AGK: variants seen among roughly 807,000 people sequenced by gnomAD.
AGK encodes the protein acylglycerol kinase.
AGK carries 52 observed loss-of-function variants against 66.4 expected under a neutral mutation model. The ratio of observed to expected loss-of-function variants is 0.78; its 90% CI spans 0.63 to 0.99. AGK has a LOEUF of 0.99. Among genes scored for constraint, AGK ranks in the 50% least tolerant of loss-of-function variants. AGK has a pLI of 0.00. For missense variants in AGK, 451 were observed against 506.6 expected (o/e 0.89, Z 1.05); for synonymous variants, 182 against 181.1 (o/e 1.00, Z -0.04).
Position 141,615,584 on chromosome 7 carries a change from G to A in AGK, c.518+19G>A. 2 of 1,593,504 alleles carry A rather than the reference G, an allele frequency of 1.3e-6. No individual in the cohort carries two copies. The highest frequency in any genetic ancestry group is 1.7e-6 in the Non-Finnish European group (2 of 1,161,454). On this transcript the variant is annotated intron_variant, in intron 8 of 15. Transcript: ENST00000649286. ...AAGTCCAGTAGGTTGTCAATGTGGG[G>A]AATTAGCATTTGTGGGTGAGCGAGA... is the stretch of plus-strand genomic sequence containing the variant.
At chr7:141,649,381 A>C in intron 14 of AGK, 48 bp downstream of exon 14, 1 of 1,405,102 alleles carries the variant, frequency 7.1e-7, no homozygotes, top group Non-Finnish European at 1.0e-6. Flanking sequence ...ATTTTCTCAG[A>C]TTTTACTATT....
intron 9 of AGK, among the ~76,000 whole-genome samples, chr7:141,633,178 A>G (rs1287034534): frequency 2.0e-5 from 3 of 152,148 alleles, no homozygotes; most frequent in African/African-American, 7.2e-5. Context: ...GTCAGTTTTC[A>G]GCTCTTAGAC....
intron 2 of AGK, among the ~76,000 whole-genome samples, chr7:141,560,280 T>C (rs535792253): frequency 2.6e-5 from 4 of 151,978 alleles, no homozygotes; most frequent in Non-Finnish European, 5.9e-5. Flanking sequence ...CCGTTTTTTT[T>C]TTTGCCTATA....
intron 2 of AGK, among the ~76,000 whole-genome samples, chr7:141,586,253 T>G (rs558850948): frequency 1.3e-5 from 2 of 152,164 alleles, no homozygotes; most frequent in African/African-American, 4.8e-5. Context: ...TTTGTGCGTT[T>G]GGAATTTTTT....
Position 141,555,393 on chromosome 7 carries a change from C to A in AGK, c.-14-60C>A. 1 of 1,137,572 alleles carries A rather than the reference C, an allele frequency of 8.8e-7. No homozygotes were observed. The highest frequency in any genetic ancestry group is 2.0e-5 in the Admixed American group (1 of 50,200). The allele number at this position is 1,137,572 out of a possible 1,614,324, so 70.5% of individuals were successfully genotyped here. On this transcript the variant is annotated intron_variant, in intron 1 of 15. Transcript: ENST00000649286. The surrounding 1 kb of genome is among the most constrained non-coding windows in gnomAD (Gnocchi z 4.2). ...AGAATGGAAGACAGAGTAATAGGGACATTACATGAAGACCATGGATAAATT... is the reference window on the plus strand; with the variant it reads ...AGAATGGAAGACAGAGTAATAGGGAAATTACATGAAGACCATGGATAAATT...
intron 2 of AGK, among the ~76,000 whole-genome samples, chr7:141,572,702 T>G (rs1290825117): frequency 2.6e-5 from 4 of 152,132 alleles, no homozygotes; most frequent in African/African-American, 9.7e-5. Context: ...ACTAGGATAA[T>G]TGGTGATATA....
At chr7:141,587,735 C>T (rs1030606336) in intron 2 of AGK, among the ~76,000 whole-genome samples, 1 of 152,198 alleles carries the variant, frequency 6.6e-6, no homozygotes, top group African/African-American at 2.4e-5. Context: ...CATTATGTGC[C>T]CCTTTTATGG....
chr7:141,631,444 A>G (rs903871853), intron 9 of AGK, among the ~76,000 whole-genome samples: 1 of 152,244 alleles, frequency 6.6e-6, no homozygotes, highest in Non-Finnish European at 1.5e-5. Context: ...TTCCTAAGAA[A>G]TAATACAGTC....
At chr7:141,617,491 T>C (rs1468631138) in intron 8 of AGK, among the ~76,000 whole-genome samples, 1 of 152,244 alleles carries the variant, frequency 6.6e-6, no homozygotes, top group Admixed American at 6.5e-5. Context: ...GGCAGAAGCC[T>C]AAGGCTATTT....
At chr7:141,619,801 A>G (rs886081539) in intron 8 of AGK, among the ~76,000 whole-genome samples, 1 of 152,220 alleles carries the variant, frequency 6.6e-6, no homozygotes, top group African/African-American at 2.4e-5. Flanking sequence ...AAAATTAAAC[A>G]TATACCTACC....
intron 2 of AGK, among the ~76,000 whole-genome samples, chr7:141,584,136 A>G (rs1158279839): frequency 6.6e-6 from 1 of 152,120 alleles, no homozygotes; most frequent in Non-Finnish European, 1.5e-5. Context: ...GAGTCCGAAA[A>G]GAGAGTCAGC....
At chr7:141,650,776 G>T (rs1420603062) in intron 14 of AGK, 8 of 747,740 alleles carry the variant, frequency 1.1e-5, no homozygotes, top group Non-Finnish European at 1.3e-5. Context: ...TTGGGGTATT[G>T]GTTCCAGGAC....
rs560628971 is a variant in AGK at position 141,593,478 on chromosome 7, T to A, written c.141+293T>A. 8.2e-5 allele frequency: 55 copies of A among 674,418 alleles called. 1 individual carries two copies. The highest frequency in any genetic ancestry group is 7.4e-4 in the South Asian group (46 of 62,338). The allele number at this position is 674,418 out of a possible 1,614,324, so 41.8% of individuals were successfully genotyped here. Reference sequence around the variant, plus strand: ...TCTGGGAATTTGTTTGTGTCTGCAGTTGTCTTTGTAGATTTGTCTAACCCC... The same window carrying A: ...TCTGGGAATTTGTTTGTGTCTGCAGATGTCTTTGTAGATTTGTCTAACCCC... On this transcript the variant is annotated intron_variant, in intron 3 of 15. Coordinates refer to ENST00000649286, the MANE Select transcript of AGK (RefSeq NM_018238.4).
In AGK at chr7:141,633,982, T is replaced by TAA. The variant is rs1797115732; in HGVS notation, c.668+4_668+5dup. Reference sequence around the variant, plus strand: ...AGATGCTGGCGTCAAAGTTAGCAAGTAAAGGATTACTATATTGATGTGTGA... The same window carrying TAA: ...AGATGCTGGCGTCAAAGTTAGCAAGTAAAAAGGATTACTATATTGATGTGTGA... On this transcript the variant is annotated splice_region_variant and intron_variant, in intron 10 of 15. Coordinates refer to ENST00000649286, the MANE Select transcript of AGK (RefSeq NM_018238.4). 6.2e-7 allele frequency: 1 copy of TAA among 1,612,230 alleles called. No homozygotes were observed. The highest frequency in any genetic ancestry group is 1.7e-4 in the Middle Eastern group (1 of 6,056).
At chr7:141,556,555 A>T (rs1270892944) in intron 2 of AGK, among the ~76,000 whole-genome samples, 2 of 151,832 alleles carry the variant, frequency 1.3e-5, no homozygotes, top group African/African-American at 2.4e-5. Context: ...AAAAAAAAAA[A>T]AATAAAGAAT....
At chr7:141,597,890 C>CAAAAAAAAAAAAAAAAAAAAAAAAAAAA (rs56295907) in intron 4 of AGK, among the ~76,000 whole-genome samples, 4 of 71,444 alleles carry the variant, frequency 5.6e-5, no homozygotes, top group Admixed American at 2.8e-4. Flanking sequence ...GACTCTGTCT[C>CAAAAAAAAAAAAAAAAAAAAAAAAAAAA]AAAAAAAAAA....
intron 5 of AGK, among the ~76,000 whole-genome samples, chr7:141,604,413 TAC>T (rs943060142): frequency 1.1e-4 from 15 of 132,698 alleles, no homozygotes; most frequent in African/African-American, 3.3e-4. Flanking sequence ...TACACATACA[TAC>T]ACACACACAC....
chr7:141,636,944 C>A lies in AGK; in HGVS notation c.669-16C>A, dbSNP rs1345612978. On this transcript the variant is annotated splice_polypyrimidine_tract_variant and intron_variant, in intron 10 of 15. Transcript: ENST00000649286. Reference sequence around the variant, plus strand: ...TTTGATATTCTTATCAGATTTTTATCTTGGTCTTTTCACAGGTACTGGTAT... The same window carrying A: ...TTTGATATTCTTATCAGATTTTTATATTGGTCTTTTCACAGGTACTGGTAT... 2.5e-6 allele frequency: 4 copies of A among 1,607,224 alleles called. No individual in the cohort carries two copies. In the Middle Eastern group the frequency reaches 5.2e-4, roughly 208 times the overall value.
intron 2 of AGK, among the ~76,000 whole-genome samples, chr7:141,575,213 A>G (rs1795708229): frequency 6.6e-6 from 1 of 152,232 alleles, no homozygotes; most frequent in South Asian, 2.1e-4. Context: ...AGAGAACAGA[A>G]GAGAAGCAGA....
Sources: gnomAD v4.1 joint callset for allele counts (sites outside exome capture counted in the v4.1 genomes callset) on GRCh38, gnomAD v4.1.1 for gene constraint, Gnocchi (gnomAD v3.1) non-coding constraint, MANE v1.5 for transcripts, NCBI Gene and HGNC (gene_info 2026-07-23, HGNC 2026-07-21) for gene names.